The following ATRN variants were observed in gnomAD, a reference collection of about 807,000 sequenced individuals.
ATRN encodes the protein attractin-2.
ATRN carries 54 observed loss-of-function variants against 178.7 expected under a neutral mutation model. The observed-to-expected ratio is 0.30, with a 90% CI of 0.24 to 0.38. The LOEUF (loss-of-function observed/expected upper bound fraction) is 0.38, where lower values mean the gene tolerates loss of function less well. Among genes scored for constraint, ATRN ranks in the 10% least tolerant of loss-of-function variants. The probability of loss-of-function intolerance (pLI) is 1.00; values close to 1 mark genes in which losing one functional copy is unlikely to be tolerated. For synonymous variants in ATRN, 636 were observed against 663.0 expected, an observed-to-expected ratio of 0.96 and a Z score of 0.63; for missense variants, 1,443 against 1,815.1, an observed-to-expected ratio of 0.79 and a Z score of 3.73.
chr20:3,556,057 C>T (rs557287861), intron 6 of ATRN, among the ~76,000 whole-genome samples: 5 of 152,032 alleles, frequency 3.3e-5, no homozygotes, highest in African/African-American at 7.2e-5. Context: ...TAAAGAAATA[C>T]GAATAAATTA....
At chr20:3,490,785 G>C (rs981822526) in intron 1 of ATRN, 1 of 791,256 alleles carries the variant, frequency 1.3e-6, no homozygotes, top group Non-Finnish European at 2.3e-6. Flanking sequence ...AAACTCACTG[G>C]GTCCTGAAAT....
At chr20:3,492,168 A>AGTGTGT (rs58489496) in intron 1 of ATRN, among the ~76,000 whole-genome samples, 46,619 of 140,378 alleles carry the variant, frequency 0.33, 8,027 homozygotes, top group South Asian at 0.4. Flanking sequence ...TAGATAGGGG[A>AGTGTGT]GTGTGTGTGT....
chr20:3,639,850 C>G (rs2087053979), intron 27 of ATRN, among the ~76,000 whole-genome samples: 1 of 152,136 alleles, frequency 6.6e-6, no homozygotes, highest in Non-Finnish European at 1.5e-5. Flanking sequence ...AAACCAGAAC[C>G]ATGATTTGTC....
chr20:3,603,979 G>A (rs752129778), intron 23 of ATRN, 126 bp from the exon 24 acceptor site: 7 of 732,436 alleles, frequency 9.6e-6, no homozygotes, highest in Non-Finnish European at 1.5e-5. Flanking sequence ...GCTCTTAAAG[G>A]CTATTACTGG....
In ATRN at chr20:3,540,829, A is replaced by G. The variant is rs550445225; in HGVS notation, c.608+494A>G. 2.0e-4 allele frequency among the ~76,000 whole-genome samples: 30 copies of G among 152,334 alleles called. No homozygotes were observed. In the East Asian group the frequency reaches 4.4e-3, roughly 22 times the overall value. On this transcript the variant is annotated intron_variant, in intron 3 of 28. Transcript: ENST00000262919. ...TGAGGGAAACTTTTTGGAACAGTAC[A>G]TATAAAATGAACAGTGGCTACCTGT...
At chr20:3,601,116 G>C (rs928074125) in intron 23 of ATRN, 92 bp downstream of exon 23, 37 of 1,241,290 alleles carry the variant, frequency 3.0e-5, no homozygotes, top group Non-Finnish European at 4.2e-5. Context: ...TCAGGAGACA[G>C]ATTGGTTTGA....
In ATRN at chr20:3,471,356, C is replaced by CGCG. The variant is rs761060489; in HGVS notation, c.266_268dup (p.Ala89dup). The stretch of plus-strand genomic sequence containing the variant: ...TGCTGCTGCCCTGTGAGGCCGAGGC[C>CGCG]GCGGCGGCGGCGGCGGCGGTGTCGG... On this transcript the variant is annotated inframe_insertion, in exon 1 of 29. Transcript: ENST00000262919. The CGCG allele has an allele frequency of 8.6e-5, 127 of 1,482,218 alleles. No individual in the cohort carries two copies. The highest frequency in any genetic ancestry group is 2.1e-4 in the Middle Eastern group (1 of 4,796). 91.8% of individuals were successfully genotyped at this position (1,482,218 alleles called of 1,614,324 possible).
chr20:3,471,650 G>A, intron 1 of ATRN, 133 bp downstream of exon 1: 1 of 1,189,190 alleles, frequency 8.4e-7, no homozygotes, highest in Non-Finnish European at 1.1e-6. Context: ...TGGGGTTTGA[G>A]GGCCATTTGC....
intron 1 of ATRN, among the ~76,000 whole-genome samples, chr20:3,488,980 A>AG (rs1384517664): frequency 6.6e-6 from 1 of 151,980 alleles, no homozygotes; most frequent in African/African-American, 2.4e-5. Context: ...TTGTTTTTTG[A>AG]GACGGAGTCT....
At chr20:3,552,826 C>T (rs2085808771) in intron 6 of ATRN, among the ~76,000 whole-genome samples, 1 of 152,178 alleles carries the variant, frequency 6.6e-6, no homozygotes, top group Non-Finnish European at 1.5e-5. Context: ...TAGAGCTTAC[C>T]TCAGTTCCTA....
intron 1 of ATRN, among the ~76,000 whole-genome samples, chr20:3,491,623 C>T (rs560796276): frequency 6.6e-6 from 1 of 152,286 alleles, no homozygotes; most frequent in Admixed American, 6.5e-5. Flanking sequence ...AATACTGTAA[C>T]ATTGAACTTT....
intron 19 of ATRN, chr20:3,592,588 A>G (rs1361948126): frequency 9.1e-6 from 6 of 658,778 alleles, no homozygotes; most frequent in Non-Finnish European, 1.1e-5. Flanking sequence ...GACTTTTCAA[A>G]GTTCTGAGCA....
Position 3,498,433 on chromosome 20 carries a change from A to G in ATRN, c.410+26916A>G, listed in dbSNP as rs547915496. Among the ~76,000 whole-genome samples, 4 of 152,288 alleles carry G rather than the reference A, an allele frequency of 2.6e-5. No individual in the cohort carries two copies. The South Asian group carries it at 6.2e-4, about 24-fold the overall frequency. On this transcript the variant is annotated intron_variant, in intron 1 of 28. Transcript: ENST00000262919. The stretch of plus-strand genomic sequence containing the variant: ...ATAAACATTGATGCAGAAATCCTCA[A>G]TAAAATACTGGCAAAGCGAATCCAG...
chr20:3,564,000 T>G (rs1462371393), intron 10 of ATRN, among the ~76,000 whole-genome samples: 1 of 152,234 alleles, frequency 6.6e-6, no homozygotes, highest in Non-Finnish European at 1.5e-5. Flanking sequence ...CTTGTAAGAC[T>G]GAAGCTGTAT....
At chr20:3,537,825 T>C (rs2085560780) in intron 2 of ATRN, among the ~76,000 whole-genome samples, 2 of 151,902 alleles carry the variant, frequency 1.3e-5, no homozygotes, top group South Asian at 2.1e-4. Context: ...TCCATGTCCC[T>C]ACAAAGGACA....
At chr20:3,477,818 C>T (rs942541055) in intron 1 of ATRN, among the ~76,000 whole-genome samples, 4 of 152,250 alleles carry the variant, frequency 2.6e-5, no homozygotes, top group Admixed American at 2.6e-4. Flanking sequence ...GTCGTCTTTA[C>T]CCACATGACT....
chr20:3,471,255 C>A lies in ATRN; in HGVS notation c.148C>A (p.Pro50Thr). 6.9e-7 allele frequency: 1 copy of A among 1,445,144 alleles called. No individual in the cohort carries two copies. 89.5% of individuals were successfully genotyped at this position (1,445,144 alleles called of 1,614,324 possible). Reference sequence around the variant, plus strand: ...GGGGCTGGGGGCCGGGCTGCGCCTCCCGCGGCTGCTGTCTCCACCGCTGCG... The same window carrying A: ...GGGGCTGGGGGCCGGGCTGCGCCTCACGCGGCTGCTGTCTCCACCGCTGCG... ...RPGLGAGLRLPRLLSPPLRPR... is the reference protein window; with the variant it reads ...RPGLGAGLRLTRLLSPPLRPR... Residue 50 changes from proline (P) to threonine (T), a missense_variant, in exon 1 of 29, where the codon CCG becomes ACG. Around this residue, in one of 4 missense-constraint regions of ATRN, gnomAD observed 862 missense variants for 972.1 expected, o/e 0.89. Coordinates refer to ENST00000262919, the MANE Select transcript of ATRN (RefSeq NM_139321.3).
intron 24 of ATRN, among the ~76,000 whole-genome samples, chr20:3,606,497 C>T (rs2086679059): frequency 6.6e-6 from 1 of 152,198 alleles, no homozygotes; most frequent in South Asian, 2.1e-4. Flanking sequence ...TCAGTGCTGT[C>T]TCCAGACCGG....
At chr20:3,505,384 T>C (rs1184633956) in intron 1 of ATRN, among the ~76,000 whole-genome samples, 1 of 152,244 alleles carries the variant, frequency 6.6e-6, no homozygotes, top group Admixed American at 6.5e-5. Flanking sequence ...GTTCTCAGGC[T>C]TTGGGCTTGT....
Sources: allele counts gnomAD v4.1 joint callset (sites outside exome capture counted in the v4.1 genomes callset), GRCh38; gene constraint gnomAD v4.1.1; regional missense constraint gnomAD v4.1.1; transcripts MANE v1.5; gene names NCBI Gene and HGNC (gene_info 2026-07-23, HGNC 2026-07-21).